Variants in ICE2 observed in about 807,000 individuals in gnomAD.
ICE2 encodes the protein interactor of little elongation complex ELL subunit 2.
ICE2 carries 87 observed loss-of-function variants against 105.4 expected under a neutral mutation model. That is an observed-to-expected ratio of 0.83 (90% CI 0.69 to 0.99). ICE2 has a LOEUF of 0.99. Ranked by LOEUF, ICE2 falls within the 50% of genes least tolerant of loss-of-function variation. ICE2 has a pLI of 0.00. For synonymous variants in ICE2, 399 were observed against 392.0 expected, an observed-to-expected ratio of 1.02 and a Z score of -0.21; for missense variants, 1,323 against 1,146.7, an observed-to-expected ratio of 1.15 and a Z score of -2.22.
Position 60,428,361 on chromosome 15 carries a change from G to T in ICE2, c.2820+68C>A, listed in dbSNP as rs1230562752. 3.4e-6 allele frequency: 5 copies of T among 1,477,652 alleles called. No individual in the cohort carries two copies. The East Asian group carries it at 1.1e-4, about 34-fold the overall frequency. The allele number at this position is 1,477,652 out of a possible 1,614,324, so 91.5% of individuals were successfully genotyped here. A position where few individuals can be genotyped will look rare whatever the true frequency, so the allele number is the denominator to read the frequency against. The stretch of plus-strand genomic sequence containing the variant: ...CAATGAGAACATCAGGGTGAAATAC[G>T]GTAAAGTCAGTGAAATAGACGAATA... On this transcript the variant is annotated intron_variant, in intron 15 of 15. Coordinates refer to ENST00000261520, the MANE Select transcript of ICE2 (RefSeq NM_024611.6).
In ICE2 at chr15:60,468,236, A is replaced by T. The variant is rs544917032; in HGVS notation, c.233T>A (p.Val78Asp). 6.2e-7 allele frequency: 1 copy of T among 1,613,968 alleles called. No homozygotes were observed. Among genetic ancestry groups the T allele is most frequent in the South Asian group, 1.1e-5 (1 of 91,074 alleles). ...VSSATQAKEK[V>D]KTTIGMVLLP... is the part of the protein sequence containing the mutation. ...AAGAACCATTCCAATTGTGGTTTTA[A>T]CTTTTTCCTTTGCTTGAGTTGCTGA... Residue 78 changes from valine to aspartate, a missense_variant, in exon 4 of 16, where the codon GTT (valine) becomes GAT (aspartate). Val to Asp is a radical substitution (Grantham distance 152, BLOSUM62 -3). Transcript: ENST00000261520.
intron 11 of ICE2, chr15:60,443,160 A>G (rs563878730): frequency 1.3e-5 from 2 of 152,242 alleles, no homozygotes; most frequent in Non-Finnish European, 2.9e-5. Flanking sequence ...AGGACACTAC[A>G]TAAGTAAAAT....
chr15:60,478,203 A>G (rs2141187657), intron 1 of ICE2, 134 bp from the exon 2 acceptor site: 5 of 565,514 alleles, frequency 8.8e-6, no homozygotes, highest in Non-Finnish European at 1.6e-5. Flanking sequence ...CAGCAGACCC[A>G]AGGTTCTTTG....
chr15:60,473,917 CT>C (rs1419435748), intron 3 of ICE2, among the ~76,000 whole-genome samples: 3 of 151,718 alleles, frequency 2.0e-5, no homozygotes, highest in South Asian at 4.2e-4. Flanking sequence ...AAAATTGTCT[CT>C]TTTTTTTGTA....
intron 5 of ICE2, among the ~76,000 whole-genome samples, chr15:60,460,541 A>G (rs2064246470): frequency 6.6e-6 from 1 of 152,192 alleles, no homozygotes; most frequent in African/African-American, 2.4e-5. Flanking sequence ...GTAACTCAGT[A>G]AGGGAAAAAA....
chr15:60,431,145 T>A (rs1335824338), intron 14 of ICE2, among the ~76,000 whole-genome samples: 1 of 152,108 alleles, frequency 6.6e-6, no homozygotes, highest in African/African-American at 2.4e-5. Flanking sequence ...GTGCTGGGAT[T>A]ACAGGCGTGA....
chr15:60,451,369 A>G, intron 9 of ICE2: 11 of 938,460 alleles, frequency 1.2e-5, no homozygotes, highest in Non-Finnish European at 1.4e-5. Flanking sequence ...CTCAATATAG[A>G]CCAAAGCAGA....
chr15:60,444,733 G>A (rs1381960793), intron 11 of ICE2, among the ~76,000 whole-genome samples: 1 of 152,018 alleles, frequency 6.6e-6, no homozygotes, highest in Non-Finnish European at 1.5e-5. Flanking sequence ...TGTCTAGGCT[G>A]GAGTACAATG....
chr15:60,478,963 C>G, intron 1 of ICE2, 40 bp downstream of exon 1: 1 of 455,830 alleles, frequency 2.2e-6, no homozygotes, highest in Non-Finnish European at 4.4e-6. Flanking sequence ...GCAGCGCCCT[C>G]CCGTCCGCGT....
At chr15:60,459,439 C>G (rs952522882) in intron 5 of ICE2, among the ~76,000 whole-genome samples, 3 of 151,990 alleles carry the variant, frequency 2.0e-5, no homozygotes, top group African/African-American at 7.2e-5. Context: ...AAAATGAGAA[C>G]AAGAGAGATA....
intron 11 of ICE2, chr15:60,445,664 C>G (rs1400902517): frequency 1.0e-6 from 1 of 984,800 alleles, no homozygotes; most frequent in Non-Finnish European, 1.2e-6. Flanking sequence ...CAAATTTCAC[C>G]TTAGTCAAGT....
At chr15:60,423,821 G>C in intron 15 of ICE2, 59 bp from the exon 16 acceptor site, 1 of 1,397,540 alleles carries the variant, frequency 7.2e-7, no homozygotes, top group Non-Finnish European at 9.5e-7. Flanking sequence ...CCTATATACA[G>C]TCAACTCTGT....
At chr15:60,430,408 T>G (rs1336587252) in intron 14 of ICE2, among the ~76,000 whole-genome samples, 1 of 151,048 alleles carries the variant, frequency 6.6e-6, no homozygotes, top group Admixed American at 6.6e-5. Context: ...GACCTCTGAC[T>G]TGAGAACTGT....
chr15:60,454,843 T>C (rs2064057885), intron 8 of ICE2, 160 bp downstream of exon 8: 1 of 557,490 alleles, frequency 1.8e-6, no homozygotes, highest in Non-Finnish European at 3.0e-6. Flanking sequence ...GTCCTAATGC[T>C]CTCTCTCACC....
At chr15:60,451,323 CA>C (rs1199486710) in intron 9 of ICE2, 3 of 880,176 alleles carry the variant, frequency 3.4e-6, no homozygotes, top group East Asian at 2.4e-4. Context: ...AAGGGCATTT[CA>C]AAAAATGAAC....
chr15:60,460,332 C>A (rs999956613), intron 5 of ICE2, among the ~76,000 whole-genome samples: 6 of 152,168 alleles, frequency 3.9e-5, no homozygotes, highest in Non-Finnish European at 7.3e-5. Flanking sequence ...TCCATCTCCA[C>A]TAAAAATACA....
intron 8 of ICE2, among the ~76,000 whole-genome samples, chr15:60,454,188 A>G (rs2064038591): frequency 6.6e-6 from 1 of 152,190 alleles, no homozygotes; most frequent in Non-Finnish European, 1.5e-5. Flanking sequence ...ATGCTGTGAC[A>G]TATATTAACT....
intron 9 of ICE2, chr15:60,451,967 G>A: frequency 2.0e-6 from 1 of 491,378 alleles, no homozygotes; most frequent in Non-Finnish European, 2.6e-6. Context: ...ATACTTCTAA[G>A]AAAGACATTT....
In ICE2 at chr15:60,468,156, G is replaced by C. The variant is rs2064482703; in HGVS notation, c.313C>G (p.Gln105Glu). ...PRFSRFSQRE[Q>E]RSYVDLLVKY... ...ACCAACAAGTCCACATAACTCCTCT[G>C]CTCTCTCTGTGAGAAACGAGAGAAA... Residue 105 changes from glutamine to glutamate, a missense_variant, in exon 4 of 16, where the codon CAG (glutamine) becomes GAG (glutamate). Physicochemically the swap from Gln to Glu is conservative, Grantham distance 29. Transcript: ENST00000261520. 6.2e-6 allele frequency: 10 copies of C among 1,613,972 alleles called. No individual in the cohort carries two copies. Among genetic ancestry groups the C allele is most frequent in the Non-Finnish European group, 8.5e-6 (10 of 1,179,906 alleles).
Sources: gnomAD v4.1 joint callset for allele counts (sites outside exome capture counted in the v4.1 genomes callset) on GRCh38, gnomAD v4.1.1 for gene constraint, MANE v1.5 for transcripts, NCBI Gene and HGNC (gene_info 2026-07-23, HGNC 2026-07-21) for gene names.